The following FUS variants were observed in gnomAD, a reference collection of about 807,000 sequenced individuals.
FUS encodes the protein FUS RNA binding protein, also known as RNA-binding protein FUS.
A neutral mutation model predicts 82.7 loss-of-function variants in FUS; 5 were observed. That is an observed-to-expected ratio of 0.06 (90% confidence interval 0.03 to 0.13). The LOEUF (loss-of-function observed/expected upper bound fraction) is 0.13, where lower values mean the gene tolerates loss of function less well. Ranked by LOEUF, FUS falls within the 10% of genes least tolerant of loss-of-function variation. The probability of loss-of-function intolerance (pLI) is 1.00; values close to 1 mark genes in which losing one functional copy is unlikely to be tolerated. For synonymous variants in FUS, 281 were observed against 247.4 expected (o/e 1.14, Z -1.27); for missense variants, 512 against 707.8 (o/e 0.72, Z 3.14).
At chr16:31,182,369 G>A (rs1408392231) in intron 1 of FUS, 29 bp from the exon 2 acceptor site, 27 of 1,613,432 alleles carry the variant, frequency 1.7e-5, no homozygotes, top group Non-Finnish European at 2.2e-5. Context: ...GGCAGCTGAA[G>A]ATAATGTGAT....
chr16:31,180,259 G>A (rs991084539), intron 1 of FUS, 32 bp downstream of exon 1: 4 of 1,598,330 alleles, frequency 2.5e-6, no homozygotes, highest in Non-Finnish European at 1.7e-6. Flanking sequence ...CGGCGGCGGC[G>A]CACCCGGCCG....
chr16:31,188,518 GAAGT>G, intron 8 of FUS, 161 bp downstream of exon 8: 4 of 797,822 alleles, frequency 5.0e-6, no homozygotes, highest in Admixed American at 2.2e-5. Context: ...TATTTGTTAC[GAAGT>G]ATTTCTCAGA....
At chr16:31,184,059 T>C (rs1332658558) in intron 4 of FUS, 57 bp downstream of exon 4, 4 of 1,613,046 alleles carry the variant, frequency 2.5e-6, no homozygotes, top group Non-Finnish European at 3.4e-6. Flanking sequence ...TGATGAGGAA[T>C]GATAAAGGGA....
downstream of FUS, chr16:31,194,378 T>G (rs1259681018): frequency 1.9e-6 from 1 of 515,178 alleles, no homozygotes; most frequent in South Asian, 1.5e-5. Context: ...AACCTCTGCC[T>G]CCCACCCGCA....
chr16:31,192,453 G>GT (rs1555509894), downstream of FUS: 28 of 520,976 alleles, frequency 5.4e-5, no homozygotes, highest in Non-Finnish European at 1.0e-4. Flanking sequence ...GAGCAGAAAG[G>GT]TTTTATTTAC....
rs753723545 is a variant in FUS at position 31,189,766 on chromosome 16, A to G, written c.1038A>G (p.Ser346=). Reference sequence around the variant, plus strand: ...CGGTCTCTTTTGATGACCCACCTTCAGCTAAAGCAGCTATTGACTGGTTTG... The same window carrying G: ...CGGTCTCTTTTGATGACCCACCTTCGGCTAAAGCAGCTATTGACTGGTTTG... ...EATVSFDDPP[S]AKAAIDWFDG... The change falls in exon 10 of 15, where the codon TCA becomes TCG. Residue 346 remains serine, a synonymous_variant. Transcript: ENST00000254108. The G allele has an allele frequency of 1.2e-6, 2 of 1,614,238 alleles. No homozygotes were observed. The highest frequency in any genetic ancestry group is 1.3e-5 in the African/African-American group (1 of 75,070).
chr16:31,186,648 A>G (rs2079274775), intron 6 of FUS, 154 bp from the exon 7 acceptor site: 1 of 715,182 alleles, frequency 1.4e-6, no homozygotes, highest in African/African-American at 1.7e-5. Flanking sequence ...AAGGTCAGAC[A>G]AGGGGTGGTC....
chr16:31,193,107 T>G (rs1376467918), downstream of FUS: 6 of 482,994 alleles, frequency 1.2e-5, no homozygotes, highest in Non-Finnish European at 2.5e-5. Flanking sequence ...GCCCAGCTAA[T>G]TTATTTGTAT....
At chr16:31,189,638 G>A (rs1430642655) in intron 9 of FUS, 27 bp from the exon 10 acceptor site, 1 of 1,613,856 alleles carries the variant, frequency 6.2e-7, no homozygotes, top group Non-Finnish European at 8.5e-7. Flanking sequence ...CTTTAAAATT[G>A]ATGTTACCTC....
Position 31,190,415 on chromosome 16 carries a change from T to C in FUS, c.1292+17T>C, listed in dbSNP as rs759773681. 1.9e-6 allele frequency: 3 copies of C among 1,613,980 alleles called. No homozygotes were observed. Among genetic ancestry groups the C allele is most frequent in the Non-Finnish European group, 2.5e-6 (3 of 1,180,002 alleles). Reference sequence around the variant, plus strand: ...TCCTAATCCGTGAGTGAAACTTAATTTTTTTCTTAGTTCTCTTGCATGCGT... The same window carrying C: ...TCCTAATCCGTGAGTGAAACTTAATCTTTTTCTTAGTTCTCTTGCATGCGT... On this transcript the variant is annotated intron_variant, in intron 12 of 14. Transcript: ENST00000254108.
chr16:31,183,724 T>G (rs1315890968), intron 3 of FUS, 134 bp from the exon 4 acceptor site: 18 of 1,057,842 alleles, frequency 1.7e-5, no homozygotes, highest in Non-Finnish European at 1.5e-6. Flanking sequence ...TATCTTTGCC[T>G]ATGAGTTGCA....
chr16:31,194,120 T>G (rs1287684495), downstream of FUS: 2 of 533,046 alleles, frequency 3.8e-6, no homozygotes, highest in Non-Finnish European at 7.3e-6. Flanking sequence ...CTTTCAGCTT[T>G]TTTCCCCATC....
chr16:31,189,614 G>A (rs1567476626), intron 9 of FUS, 51 bp from the exon 10 acceptor site: 2 of 1,612,976 alleles, frequency 1.2e-6, no homozygotes, highest in Non-Finnish European at 1.7e-6. Context: ...AAGATGGAAA[G>A]GGAGTACTGT....
At chr16:31,189,054 G>A (rs2079313532) in intron 8 of FUS, 69 bp from the exon 9 acceptor site, 4 of 1,166,524 alleles carry the variant, frequency 3.4e-6, no homozygotes, top group Non-Finnish European at 3.9e-6. Flanking sequence ...GATACTAGGT[G>A]CTTTAGGTTT....
chr16:31,193,441 GAGT>G (rs917471653), downstream of FUS: 49 of 527,796 alleles, frequency 9.3e-5, no homozygotes, highest in Non-Finnish European at 1.6e-4. Flanking sequence ...TACGATATTT[GAGT>G]AGTTCACTGT....
chr16:31,188,852 T>C, intron 8 of FUS: 1 of 522,720 alleles, frequency 1.9e-6, no homozygotes, highest in Non-Finnish European at 3.4e-6. Context: ...GACTTTTCTG[T>C]GTGGTCTTGT....
At position 31,184,356 on chromosome 16, in the gene FUS, C is replaced by T. The variant is rs2079227338; in HGVS notation, c.483C>T (p.Tyr161=). 1 of 1,613,280 alleles carries T rather than the reference C, an allele frequency of 6.2e-7. No homozygotes were observed. The highest frequency in any genetic ancestry group is 1.7e-5 in the Admixed American group (1 of 59,942). ...AGGGCTATGGACAGCAGAACCAGTA[C>T]AACAGCAGCAGTGGTGGTGGAGGTG... ...PPQGYGQQNQ[Y]NSSSGGGGGG... Residue 161 remains tyrosine, a synonymous_variant, in exon 5 of 15, where the codon TAC becomes TAT. Transcript: ENST00000254108.
At chr16:31,184,895 A>G (rs980437943) in intron 5 of FUS, 44 bp from the exon 6 acceptor site, 5 of 1,586,864 alleles carry the variant, frequency 3.2e-6, no homozygotes, top group African/African-American at 1.4e-5. Context: ...CTACTTTACA[A>G]TCTTTTTGTT....
chr16:31,180,234 A>T lies in FUS; in HGVS notation c.13+7A>T. 1 of 1,610,380 alleles carries T rather than the reference A, an allele frequency of 6.2e-7. No individual in the cohort carries two copies. Among genetic ancestry groups the T allele is most frequent in the Non-Finnish European group, 8.5e-7 (1 of 1,178,438 alleles). On this transcript the variant is annotated splice_region_variant and intron_variant, in intron 1 of 14. Coordinates refer to ENST00000254108, the MANE Select transcript of FUS (RefSeq NM_004960.4). ...GCGGACATGGCCTCAAACGGTAGGTAAGGGCGCGAGGCGACGGCGGCGGCG... is the reference window on the plus strand; with the variant it reads ...GCGGACATGGCCTCAAACGGTAGGTTAGGGCGCGAGGCGACGGCGGCGGCG...
Sources: gnomAD v4.1 joint callset for allele counts on GRCh38, gnomAD v4.1.1 for gene constraint, MANE v1.5 for transcripts, NCBI Gene and HGNC (gene_info 2026-07-23, HGNC 2026-07-21) for gene names.